C2CD5: variants seen among roughly 807,000 people sequenced by gnomAD.
C2CD5 encodes C2 domain-containing protein 5.
Under a neutral mutation model 130.3 loss-of-function variants are expected in C2CD5, and 109 were observed. The observed-to-expected ratio is 0.84, with a 90% CI of 0.72 to 0.98. The LOEUF is 0.98. Ranked by LOEUF, C2CD5 falls within the 50% of genes least tolerant of loss-of-function variation. The pLI, the probability that C2CD5 is intolerant of heterozygous loss-of-function variation, is 0.00. For missense variants in C2CD5, 996 were observed against 1,261.8 expected (o/e 0.79, Z 3.19); for synonymous variants, 454 against 429.2 (o/e 1.06, Z -0.71).
chr12:22,478,492 T>C lies in C2CD5; in HGVS notation c.1738-15A>G. On this transcript the variant is annotated splice_polypyrimidine_tract_variant and intron_variant, in intron 14 of 26. Transcript: ENST00000446597. Reference sequence around the variant, plus strand: ...CCTGTGGCAGACTTGTAAAAAATAATGGGGAAATAATCAGAAAAAATATCT... The same window carrying C: ...CCTGTGGCAGACTTGTAAAAAATAACGGGGAAATAATCAGAAAAAATATCT... 6.2e-7 allele frequency: 1 copy of C among 1,606,076 alleles called. No individual in the cohort carries two copies. The highest frequency in any genetic ancestry group is 8.5e-7 in the Non-Finnish European group (1 of 1,174,604).
Position 22,525,598 on chromosome 12 carries a change from G to A in C2CD5, c.445+12C>T. The stretch of plus-strand genomic sequence containing the variant: ...TACATTTCCTGTTGAGTAATAGAAT[G>A]TATTTACTTACTGCAAAAGAATTTG... On this transcript the variant is annotated intron_variant, in intron 5 of 26. Transcript: ENST00000446597. 1.7e-6 allele frequency: 2 copies of A among 1,180,926 alleles called. No individual in the cohort carries two copies. The highest frequency in any genetic ancestry group is 1.5e-5 in the African/African-American group (1 of 66,624). 73.2% of individuals were successfully genotyped at this position (1,180,926 alleles called of 1,614,324 possible).
chr12:22,450,497 C>T (rs1028582873), intron 26 of C2CD5, among the ~76,000 whole-genome samples: 1 of 151,908 alleles, frequency 6.6e-6, no homozygotes, highest in South Asian at 2.1e-4. Context: ...GAAAAATGAC[C>T]TAAAGCTCAA....
intron 7 of C2CD5, 89 bp from the exon 8 acceptor site, chr12:22,518,226 G>A: frequency 2.4e-6 from 3 of 1,247,588 alleles, no homozygotes; most frequent in Non-Finnish European, 3.5e-6. Flanking sequence ...GGAAAGAATT[G>A]GGGCAGGGCC....
chr12:22,457,102 G>C lies in C2CD5; in HGVS notation c.2746C>G (p.Pro916Ala). 1 of 1,612,012 alleles carries C rather than the reference G, an allele frequency of 6.2e-7. No individual in the cohort carries two copies. Among genetic ancestry groups the C allele is most frequent in the Non-Finnish European group, 8.5e-7 (1 of 1,179,168 alleles). Residue 916 changes from proline (P) to alanine (A), a missense_variant, in exon 25 of 27, where the codon CCA becomes GCA. Physicochemically the swap from Pro to Ala is conservative, Grantham distance 27 (BLOSUM62 -1). This residue lies in a region of C2CD5 where 590 missense variants were observed against 631.4 expected (regional missense o/e 0.93). Transcript: ENST00000446597. ...GDGNFRNRSA[P>A]PCANSTVGVV... ...CCAACTGTGGAATTTGCACAAGGTG[G>C]AGCAGAACGATTCCGGAAATTTCCA...
At position 22,535,276 on chromosome 12, in the gene C2CD5, C is replaced by G. The variant is rs762886837; in HGVS notation, c.159G>C (p.Ser53=). The G allele has an allele frequency of 6.2e-7, 1 of 1,603,206 alleles. No individual in the cohort carries two copies. Among genetic ancestry groups the G allele is most frequent in the South Asian group, 1.1e-5 (1 of 90,316 alleles). Residue 53 remains serine, a synonymous_variant, in exon 3 of 27, where the codon TCG becomes TCC. Transcript: ENST00000446597. ...YLKSLNPQWN[S]EWFKFEVDDE... ...AACTTACCTCAAATTTAAACCACTC[C>G]GAGTTCCACTGAGGGTTGAGTGACT...
chr12:22,485,255 A>C (rs1465168923), intron 12 of C2CD5, among the ~76,000 whole-genome samples: 2 of 152,086 alleles, frequency 1.3e-5, no homozygotes, highest in Non-Finnish European at 2.9e-5. Context: ...TGACAAATAT[A>C]ACCACAAAAA....
Position 22,459,543 on chromosome 12 carries a change from C to A in C2CD5, c.2534-1G>T. 6.6e-7 allele frequency: 1 copy of A among 1,524,454 alleles called. No homozygotes were observed. The highest frequency in any genetic ancestry group is 1.2e-5 in the South Asian group (1 of 83,762). 94.4% of individuals were successfully genotyped at this position (1,524,454 alleles called of 1,614,324 possible). A position where few individuals can be genotyped will look rare whatever the true frequency, so the allele number is the denominator to read the frequency against. The stretch of plus-strand genomic sequence containing the variant: ...TTAGAACTTGCACTCTCCAGGTGTT[C>A]TAATAAGACAATATGAACAACATTA... On this transcript the variant is annotated splice_acceptor_variant, in intron 22 of 26. Transcript: ENST00000446597. LOFTEE classifies it high-confidence loss of function.
chr12:22,480,668 G>A (rs1370183591), intron 14 of C2CD5, among the ~76,000 whole-genome samples: 1 of 152,034 alleles, frequency 6.6e-6, no homozygotes, highest in Admixed American at 6.6e-5. Context: ...ACATGCATAG[G>A]CACCCACCAA....
At chr12:22,495,257 C>T (rs1315626426) in intron 10 of C2CD5, among the ~76,000 whole-genome samples, 1 of 151,978 alleles carries the variant, frequency 6.6e-6, no homozygotes, top group African/African-American at 2.4e-5. Context: ...TTGCCTTCTT[C>T]ATCTGTACCA....
chr12:22,456,997 TA>T lies in C2CD5; in HGVS notation c.2850del (p.Phe950LeufsTer29). 6.3e-7 allele frequency: 1 copy of T among 1,598,362 alleles called. No homozygotes were observed. Among genetic ancestry groups the T allele is most frequent in the Non-Finnish European group, 8.5e-7 (1 of 1,171,072 alleles). On this transcript the variant is annotated frameshift_variant, in exon 25 of 27. Coordinates refer to ENST00000446597, the MANE Select transcript of C2CD5 (RefSeq NM_001286176.2). LOFTEE classifies it high-confidence loss of function. ...TCCCGAAGAGAAGTAGTCTCTCGAA[TA>T]AAAAACATGTTAATTATCCCAAGAT... ...TKYLGIINMF[F>X]IRETTSLREE...
intron 3 of C2CD5, among the ~76,000 whole-genome samples, chr12:22,532,983 C>T (rs1176132170): frequency 6.6e-6 from 1 of 152,070 alleles, no homozygotes; most frequent in African/African-American, 2.4e-5. Context: ...TCAGTTCCAG[C>T]TGAGGGGTGA....
intron 14 of C2CD5, among the ~76,000 whole-genome samples, chr12:22,481,694 G>C (rs183020248): frequency 8.2e-6 from 1 of 122,076 alleles, no homozygotes; most frequent in Non-Finnish European, 1.6e-5. Context: ...TCACTCTGTC[G>C]CCTCGGTTGG....
At chr12:22,496,935 A>G (rs922096579) in intron 10 of C2CD5, among the ~76,000 whole-genome samples, 7 of 152,212 alleles carry the variant, frequency 4.6e-5, no homozygotes, top group African/African-American at 1.4e-4. Context: ...CCACAGCTCG[A>G]TATCTTGCCA....
chr12:22,524,401 A>C, intron 6 of C2CD5, 71 bp downstream of exon 6: 8 of 1,245,524 alleles, frequency 6.4e-6, no homozygotes, highest in Non-Finnish European at 9.3e-6. Flanking sequence ...TTGAGGTAGC[A>C]TGTCAAAGGA....
intron 16 of C2CD5, 138 bp from the exon 17 acceptor site, chr12:22,472,945 A>T: frequency 1.6e-6 from 1 of 606,666 alleles, no homozygotes; most frequent in Non-Finnish European, 3.0e-6. Context: ...AAAAATTCTA[A>T]TATCAGTAAA....
At chr12:22,494,792 T>G (rs913881733) in intron 10 of C2CD5, among the ~76,000 whole-genome samples, 2 of 152,144 alleles carry the variant, frequency 1.3e-5, no homozygotes, top group African/African-American at 4.8e-5. Context: ...AACAATTAAG[T>G]GAACCTATTT....
intron 3 of C2CD5, among the ~76,000 whole-genome samples, chr12:22,532,724 C>A (rs921175604): frequency 1.3e-5 from 2 of 152,172 alleles, no homozygotes; most frequent in Non-Finnish European, 2.9e-5. Flanking sequence ...CCAGCATGAT[C>A]AAAGCATCTT....
rs1346712773 is a variant in C2CD5 at position 22,470,832 on chromosome 12, A to G, written c.2438T>C (p.Leu813Ser). ...ATTCAGTAAAGATTTACCTCTTTGCAATGACTTTTCAACAGGGGTTTTTGT... is the reference window on the plus strand; with the variant it reads ...ATTCAGTAAAGATTTACCTCTTTGCGATGACTTTTCAACAGGGGTTTTTGT... ...QTTKTPVEKS[L>S]QRASTDNEEL... Residue 813 changes from leucine (L) to serine (S), a missense_variant, in exon 21 of 27, where the codon TTG (leucine) becomes TCG (serine). Transcript: ENST00000446597. 1 of 1,605,998 alleles carries G rather than the reference A, an allele frequency of 6.2e-7. No homozygotes were observed. Among genetic ancestry groups the G allele is most frequent in the African/African-American group, 1.3e-5 (1 of 74,840 alleles).
Position 22,529,401 on chromosome 12 carries a change from A to G in C2CD5, c.178-1509T>C, listed in dbSNP as rs573928085. Among the ~76,000 whole-genome samples, 56 of 152,198 alleles carry G rather than the reference A, an allele frequency of 3.7e-4. 1 individual carries two copies. The highest frequency in any genetic ancestry group is 7.4e-4 in the Non-Finnish European group (50 of 67,998). On this transcript the variant is annotated intron_variant, in intron 3 of 26. Transcript: ENST00000446597. Reference sequence around the variant, plus strand: ...AATACTCTCTGTATATACTTATTTAACCACCTGTACATTCACCTCTGAGTA... The same window carrying G: ...AATACTCTCTGTATATACTTATTTAGCCACCTGTACATTCACCTCTGAGTA...
Sources: gnomAD v4.1 joint callset for allele counts (sites outside exome capture counted in the v4.1 genomes callset) on GRCh38, gnomAD v4.1.1 for gene constraint, gnomAD v4.1.1 regional missense constraint, MANE v1.5 for transcripts, NCBI Gene and HGNC (gene_info 2026-07-23, HGNC 2026-07-21) for gene names.